Variants in L3MBTL4 observed in about 807,000 individuals in gnomAD.
L3MBTL4 encodes L3MBTL histone methyl-lysine binding protein 4, also known as lethal(3)malignant brain tumor-like protein 4.
A neutral mutation model predicts 84.5 loss-of-function variants in L3MBTL4; 70 were observed. The observed-to-expected ratio is 0.83, with a 90% CI of 0.68 to 1.01. L3MBTL4 has a LOEUF of 1.01. Among genes scored for constraint, L3MBTL4 ranks in the 50% least tolerant of loss-of-function variants. The pLI, the probability that L3MBTL4 is intolerant of heterozygous loss-of-function variation, is 0.00. For synonymous variants in L3MBTL4, 274 were observed against 259.8 expected (o/e 1.05, Z -0.52); for missense variants, 715 against 754.8 (o/e 0.95, Z 0.62).
At chr18:6,397,405 T>C (rs968281436) in intron 1 of L3MBTL4, 3 of 152,230 alleles carry the variant, frequency 2.0e-5, no homozygotes, top group Non-Finnish European at 4.4e-5. Context: ...TTGTTAATAG[T>C]TCTTATTTAA....
chr18:6,204,273 G>A (rs2045775343), intron 12 of L3MBTL4, among the ~76,000 whole-genome samples: 1 of 152,178 alleles, frequency 6.6e-6, no homozygotes, highest in African/African-American at 2.4e-5. Flanking sequence ...GACACACACA[G>A]GACTCTAGAT....
chr18:6,232,770 G>A (rs1025052261), intron 10 of L3MBTL4, among the ~76,000 whole-genome samples: 9 of 151,842 alleles, frequency 5.9e-5, no homozygotes, highest in Non-Finnish European at 1.2e-4. Context: ...AAAAGTTTAT[G>A]GAGGATACTC....
intron 1 of L3MBTL4, among the ~76,000 whole-genome samples, chr18:6,336,750 C>T (rs552728033): frequency 1.2e-4 from 18 of 152,284 alleles, no homozygotes; most frequent in Non-Finnish European, 2.5e-4. Context: ...ACATTTACAA[C>T]CTCTATAACT....
intron 5 of L3MBTL4, among the ~76,000 whole-genome samples, chr18:6,251,682 C>T (rs1364529140): frequency 6.6e-6 from 1 of 152,100 alleles, no homozygotes; most frequent in Admixed American, 6.6e-5. Flanking sequence ...TAATTTTTAA[C>T]TTTTTATTTC....
intron 16 of L3MBTL4, among the ~76,000 whole-genome samples, chr18:6,025,883 A>G (rs1011530463): frequency 6.6e-6 from 1 of 152,238 alleles, no homozygotes; most frequent in Non-Finnish European, 1.5e-5. Context: ...CCTGCTGCGC[A>G]GCCTGGTTCC....
chr18:6,197,940 G>A (rs2045479976), intron 12 of L3MBTL4, among the ~76,000 whole-genome samples: 1 of 152,246 alleles, frequency 6.6e-6, no homozygotes, highest in Non-Finnish European at 1.5e-5. Flanking sequence ...AGGTCAGACA[G>A]AACTGGGGCT....
chr18:6,042,346 TAC>T (rs560288134), intron 16 of L3MBTL4, among the ~76,000 whole-genome samples: 1 of 151,730 alleles, frequency 6.6e-6, no homozygotes, highest in East Asian at 1.9e-4. Context: ...TTACAAAACA[TAC>T]ACACACACAT....
intron 10 of L3MBTL4, among the ~76,000 whole-genome samples, chr18:6,219,228 C>G (rs1471067938): frequency 6.6e-6 from 1 of 151,852 alleles, no homozygotes; most frequent in Non-Finnish European, 1.5e-5. Flanking sequence ...CTTATCACTT[C>G]GTCCTGCTGA....
intron 1 of L3MBTL4, among the ~76,000 whole-genome samples, chr18:6,314,339 T>C (rs950002667): frequency 9.9e-5 from 15 of 152,230 alleles, no homozygotes; most frequent in African/African-American, 3.6e-4. Context: ...ATAAAGTTTT[T>C]AGAGTTAAAA....
chr18:6,064,967 C>T (rs1269514268), intron 16 of L3MBTL4, among the ~76,000 whole-genome samples: 1 of 151,740 alleles, frequency 6.6e-6, no homozygotes, highest in African/African-American at 2.4e-5. Context: ...CGCCATTCAG[C>T]GTAATGTTGC....
At chr18:6,006,647 T>G (rs972520793) in intron 16 of L3MBTL4, among the ~76,000 whole-genome samples, 1 of 152,148 alleles carries the variant, frequency 6.6e-6, no homozygotes, top group Admixed American at 6.5e-5. Context: ...TATCAAACCT[T>G]CAGAAAGGAG....
In L3MBTL4 at chr18:6,267,736, G is replaced by A. The variant is rs567090296; in HGVS notation, c.128-3698C>T. On this transcript the variant is annotated intron_variant, in intron 4 of 18. Coordinates refer to ENST00000317931, the MANE Select transcript of L3MBTL4 (RefSeq NM_001330559.2). ...AAGGCCTCCTTTTATGATCACATAT[G>A]TACCAAAGAACCTTTTAAAATTGAT... Among the ~76,000 whole-genome samples the A allele has an allele frequency of 1.5e-4, 23 of 152,272 alleles. No individual in the cohort carries two copies. In the South Asian group the frequency reaches 4.4e-3, roughly 29 times the overall value.
chr18:6,206,491 A>G (rs1437037354), intron 12 of L3MBTL4, among the ~76,000 whole-genome samples: 1 of 152,160 alleles, frequency 6.6e-6, no homozygotes, highest in Non-Finnish European at 1.5e-5. Flanking sequence ...TAAGATGGGT[A>G]CAGGGTGGGG....
chr18:6,248,764 C>T (rs1418662438), intron 5 of L3MBTL4, among the ~76,000 whole-genome samples: 1 of 152,196 alleles, frequency 6.6e-6, no homozygotes, highest in Non-Finnish European at 1.5e-5. Context: ...CCATTCCCAA[C>T]TATTACACGT....
Position 6,030,038 on chromosome 18 carries a change from C to T in L3MBTL4, c.1444+50843G>A, listed in dbSNP as rs983159875. 24 of 985,258 alleles carry T rather than the reference C, an allele frequency of 2.4e-5. No individual in the cohort carries two copies. The South Asian group carries it at 6.6e-4, about 27-fold the overall frequency. 61.0% of individuals were successfully genotyped at this position (985,258 alleles called of 1,614,324 possible). A position where few individuals can be genotyped will look rare whatever the true frequency, so the allele number is the denominator to read the frequency against. The stretch of plus-strand genomic sequence containing the variant: ...CAGGGACTGGTCACTTATAGTGTGC[C>T]GCTCCATGTGTTAAGAACTGCTCGT... On this transcript the variant is annotated intron_variant, in intron 16 of 18. Transcript: ENST00000317931.
chr18:6,035,724 G>T (rs1262148763), intron 16 of L3MBTL4, among the ~76,000 whole-genome samples: 1 of 152,038 alleles, frequency 6.6e-6, no homozygotes, highest in East Asian at 1.9e-4. Context: ...CATTGAATCT[G>T]TAAATTACCT....
chr18:6,345,172 C>A (rs1223974831), intron 1 of L3MBTL4, among the ~76,000 whole-genome samples: 8 of 126,464 alleles, frequency 6.3e-5, no homozygotes, highest in Admixed American at 6.2e-4. Context: ...TAGTTTGAGA[C>A]CAGCCTGGGC....
intron 16 of L3MBTL4, chr18:6,029,369 T>C (rs1413391156): frequency 8.1e-6 from 6 of 737,160 alleles, no homozygotes; most frequent in African/African-American, 3.8e-5. Context: ...GAACTTTCAA[T>C]AGGTAAAATG....
chr18:6,372,876 C>A (rs1001320404), intron 1 of L3MBTL4, among the ~76,000 whole-genome samples: 1 of 152,172 alleles, frequency 6.6e-6, no homozygotes, highest in Non-Finnish European at 1.5e-5. Flanking sequence ...ACTTAACCCA[C>A]CATAATTATA....
Sources: allele counts gnomAD v4.1 joint callset (sites outside exome capture counted in the v4.1 genomes callset), GRCh38; gene constraint gnomAD v4.1.1; transcripts MANE v1.5; gene names NCBI Gene and HGNC (gene_info 2026-07-23, HGNC 2026-07-21).